The following ZNF385D variants were observed in gnomAD, a reference collection of about 807,000 sequenced individuals.
The protein encoded by ZNF385D is zinc finger protein 659.
ZNF385D carries 15 observed loss-of-function variants against 35.8 expected under a neutral mutation model. The observed-to-expected ratio is 0.42, with a 90% CI of 0.28 to 0.64. The LOEUF is 0.64. Among genes scored for constraint, ZNF385D ranks in the 30% least tolerant of loss-of-function variants. ZNF385D has a pLI of 0.23. For synonymous variants in ZNF385D, 212 were observed against 186.8 expected (o/e 1.13, Z -1.10); for missense variants, 474 against 494.6 (o/e 0.96, Z 0.39).
At chr3:22,297,327 T>A (rs537903879) in intron 2 of ZNF385D, among the ~76,000 whole-genome samples, 1 of 152,134 alleles carries the variant, frequency 6.6e-6, no homozygotes, top group South Asian at 2.1e-4. Context: ...TTTCCCTTCA[T>A]CTGAAAAAAG....
chr3:21,812,276 G>T (rs949759128), intron 3 of ZNF385D, among the ~76,000 whole-genome samples: 1 of 152,228 alleles, frequency 6.6e-6, no homozygotes, highest in African/African-American at 2.4e-5. Flanking sequence ...ACAGCTCCCA[G>T]CATGAGTGAC....
intron 4 of ZNF385D, among the ~76,000 whole-genome samples, chr3:21,445,259 G>C (rs1702086860): frequency 6.6e-6 from 1 of 152,110 alleles, no homozygotes. Flanking sequence ...GAAGCCAACA[G>C]AAAAAGACAG....
intron 3 of ZNF385D, among the ~76,000 whole-genome samples, chr3:21,876,014 A>G (rs1234500523): frequency 1.3e-5 from 2 of 152,298 alleles, no homozygotes; most frequent in African/African-American, 4.8e-5. Flanking sequence ...TTTAAAATCC[A>G]GAAAGAAAAA....
chr3:21,578,114 C>A (rs2063547546), intron 2 of ZNF385D, among the ~76,000 whole-genome samples: 1 of 152,118 alleles, frequency 6.6e-6, no homozygotes, highest in African/African-American at 2.4e-5. Context: ...CTGCACCCCA[C>A]ATTTATATGT....
At chr3:21,898,978 C>T (rs549155936) in intron 3 of ZNF385D, among the ~76,000 whole-genome samples, 4 of 152,238 alleles carry the variant, frequency 2.6e-5, no homozygotes, top group South Asian at 2.1e-4. Flanking sequence ...TTCCCCATTA[C>T]AAGCAATTAG....
intron 2 of ZNF385D, among the ~76,000 whole-genome samples, chr3:21,576,193 A>G (rs1419716034): frequency 6.6e-6 from 1 of 152,202 alleles, no homozygotes; most frequent in Non-Finnish European, 1.5e-5. Context: ...GCACCAGGGC[A>G]TCTTGTTTGA....
At chr3:21,830,735 G>T (rs1341017569) in intron 3 of ZNF385D, among the ~76,000 whole-genome samples, 1 of 152,184 alleles carries the variant, frequency 6.6e-6, no homozygotes, top group Non-Finnish European at 1.5e-5. Flanking sequence ...CTTGGCAAAT[G>T]TTTGTGCCTG....
At chr3:22,327,402 C>G (rs1213398787) in intron 2 of ZNF385D, among the ~76,000 whole-genome samples, 2 of 152,192 alleles carry the variant, frequency 1.3e-5, no homozygotes, top group Non-Finnish European at 1.5e-5. Flanking sequence ...GTCCTACACT[C>G]TAAGTTCCAT....
chr3:22,305,909 A>G (rs1234447891), intron 2 of ZNF385D, among the ~76,000 whole-genome samples: 4 of 152,170 alleles, frequency 2.6e-5, no homozygotes, highest in African/African-American at 9.7e-5. Context: ...CAGTTTCTAA[A>G]TATTCTGTGT....
intron 3 of ZNF385D, among the ~76,000 whole-genome samples, chr3:21,834,416 A>G (rs1695195217): frequency 6.6e-6 from 1 of 152,172 alleles, no homozygotes; most frequent in African/African-American, 2.4e-5. Context: ...TATCTGGAAA[A>G]GACTTTAGGT....
intron 3 of ZNF385D, among the ~76,000 whole-genome samples, chr3:22,059,946 T>A (rs1404741130): frequency 1.3e-5 from 2 of 152,206 alleles, no homozygotes; most frequent in African/African-American, 4.8e-5. Flanking sequence ...AAGATCCAGA[T>A]AGACCTGGAT....
intron 2 of ZNF385D, among the ~76,000 whole-genome samples, chr3:22,195,284 T>C (rs1696335331): frequency 6.6e-6 from 1 of 152,004 alleles, no homozygotes; most frequent in South Asian, 2.1e-4. Context: ...TTTTAATGTG[T>C]TTACGTGTCA....
intron 3 of ZNF385D, among the ~76,000 whole-genome samples, chr3:22,068,003 C>T (rs949217274): frequency 2.6e-5 from 3 of 116,222 alleles, no homozygotes; most frequent in African/African-American, 1.4e-4. Context: ...AAGAGCAAGA[C>T]TCCACTGGAA....
intron 2 of ZNF385D, among the ~76,000 whole-genome samples, chr3:21,663,881 T>C (rs1484512670): frequency 2.0e-5 from 1 of 49,124 alleles, no homozygotes; most frequent in African/African-American, 6.9e-5. Flanking sequence ...ATTATTTAAT[T>C]GTGGGCCGAA....
chr3:22,082,139 C>A (rs546430165), intron 3 of ZNF385D, among the ~76,000 whole-genome samples: 2 of 152,176 alleles, frequency 1.3e-5, no homozygotes, highest in South Asian at 4.2e-4. Context: ...GTGATTGACG[C>A]AGCAGATGGG....
chr3:21,614,458 G>C (rs563183785), intron 2 of ZNF385D, among the ~76,000 whole-genome samples: 1 of 152,198 alleles, frequency 6.6e-6, no homozygotes, highest in Non-Finnish European at 1.5e-5. Flanking sequence ...GAAGAATATA[G>C]TTCAGACCCT....
At chr3:22,160,119 T>C (rs1705852043) in intron 3 of ZNF385D, among the ~76,000 whole-genome samples, 1 of 152,092 alleles carries the variant, frequency 6.6e-6, no homozygotes, top group Non-Finnish European at 1.5e-5. Context: ...CCACCATGAT[T>C]GTAAGCTTCC....
At chr3:22,083,679 A>G (rs534446394) in intron 3 of ZNF385D, among the ~76,000 whole-genome samples, 2 of 152,276 alleles carry the variant, frequency 1.3e-5, no homozygotes, top group East Asian at 3.9e-4. Context: ...TCCAAGAGAA[A>G]TTCCCCAACC....
At chr3:22,326,254 G>C (rs963710019) in intron 2 of ZNF385D, among the ~76,000 whole-genome samples, 5 of 152,178 alleles carry the variant, frequency 3.3e-5, no homozygotes, top group African/African-American at 1.2e-4. Flanking sequence ...CAAAGTTGTT[G>C]TCTATGTAGA....
Sources: allele counts gnomAD v4.1 joint callset (sites outside exome capture counted in the v4.1 genomes callset), GRCh38; gene constraint gnomAD v4.1.1; transcripts MANE v1.5; gene names NCBI Gene and HGNC (gene_info 2026-07-23, HGNC 2026-07-21).